DLGAP2: variants seen among roughly 807,000 people sequenced by gnomAD.
The protein encoded by DLGAP2 is DLG associated protein 2, also known as disks large-associated protein 2.
Under a neutral mutation model 100.3 loss-of-function variants are expected in DLGAP2, and 26 were observed. The ratio of observed to expected loss-of-function variants is 0.26; its 90% CI spans 0.19 to 0.36. The LOEUF is 0.36. DLGAP2 is among the 10% of genes least tolerant of loss of function. The pLI, the probability that DLGAP2 is intolerant of heterozygous loss-of-function variation, is 1.00. For missense variants in DLGAP2, 1,858 were observed against 1,453.2 expected, an observed-to-expected ratio of 1.28 and a Z score of -4.53; for synonymous variants, 886 against 630.1, an observed-to-expected ratio of 1.41 and a Z score of -6.08.
chr8:1,491,943 G>C (rs1799402970), intron 3 of DLGAP2, among the ~76,000 whole-genome samples: 1 of 152,246 alleles, frequency 6.6e-6, no homozygotes, highest in Non-Finnish European at 1.5e-5. Context: ...CGGGACGCGA[G>C]GGGGTGACGA....
At chr8:1,671,691 C>T (rs947618293) in intron 10 of DLGAP2, among the ~76,000 whole-genome samples, 3 of 152,236 alleles carry the variant, frequency 2.0e-5, no homozygotes, top group African/African-American at 7.2e-5. Context: ...CCTCCTATGG[C>T]CCCCGTCCTC....
At chr8:1,254,216 C>T (rs7011661) in intron 2 of DLGAP2, among the ~76,000 whole-genome samples, 10,555 of 152,270 alleles carry the variant, frequency 0.069, 1,169 homozygotes, top group African/African-American at 0.23. Context: ...GTGCCTCCCA[C>T]AGGCACCATG....
chr8:1,637,760 C>A (rs1797802471), intron 8 of DLGAP2, among the ~76,000 whole-genome samples: 2 of 152,196 alleles, frequency 1.3e-5, no homozygotes, highest in South Asian at 4.1e-4. Flanking sequence ...TGAGCATTGG[C>A]CCCGAAGGCC....
At chr8:1,046,898 A>G (rs1802531907) in intron 2 of DLGAP2, among the ~76,000 whole-genome samples, 1 of 152,062 alleles carries the variant, frequency 6.6e-6, no homozygotes, top group Non-Finnish European at 1.5e-5. Context: ...GTGCTTGGTA[A>G]ATGCACGCCA....
At chr8:1,236,314 C>T (rs1487346286) in intron 2 of DLGAP2, among the ~76,000 whole-genome samples, 441 of 46,424 alleles carry the variant, frequency 9.5e-3, no homozygotes, top group South Asian at 0.016. Flanking sequence ...TCTCACATGG[C>T]GCCGTGTCTG....
At chr8:1,586,983 G>A (rs1796141311) in intron 6 of DLGAP2, among the ~76,000 whole-genome samples, 1 of 152,030 alleles carries the variant, frequency 6.6e-6, no homozygotes, top group Non-Finnish European at 1.5e-5. Context: ...TTTTCTAATG[G>A]GCTGATTATA....
chr8:1,305,021 G>T (rs1479739131), intron 3 of DLGAP2, among the ~76,000 whole-genome samples: 2 of 152,172 alleles, frequency 1.3e-5, no homozygotes, highest in Non-Finnish European at 2.9e-5. Context: ...ATCATACATG[G>T]TTTCCACCAT....
intron 1 of DLGAP2, among the ~76,000 whole-genome samples, chr8:815,050 A>G (rs1456156133): frequency 6.6e-6 from 1 of 152,180 alleles, no homozygotes; most frequent in Non-Finnish European, 1.5e-5. Context: ...CTGAAAAGCA[A>G]AAAAGTAGAT....
chr8:987,091 C>G (rs771101604), intron 2 of DLGAP2, among the ~76,000 whole-genome samples: 1 of 152,170 alleles, frequency 6.6e-6, no homozygotes, highest in Non-Finnish European at 1.5e-5. Flanking sequence ...AAACTCCCGT[C>G]TTTTTTCCTA....
chr8:810,181 C>G (rs1223486644), intron 1 of DLGAP2, among the ~76,000 whole-genome samples: 1 of 152,236 alleles, frequency 6.6e-6, no homozygotes, highest in Admixed American at 6.5e-5. Context: ...CACAGTGAAT[C>G]TCATGCTGTT....
intron 6 of DLGAP2, among the ~76,000 whole-genome samples, chr8:1,587,696 C>T (rs1796166796): frequency 6.6e-6 from 1 of 152,160 alleles, no homozygotes; most frequent in Non-Finnish European, 1.5e-5. Flanking sequence ...AATATAGCTA[C>T]TATTAATTAT....
chr8:1,327,851 T>A (rs981985545), intron 3 of DLGAP2, among the ~76,000 whole-genome samples: 3 of 151,712 alleles, frequency 2.0e-5, no homozygotes, highest in East Asian at 1.9e-4. Context: ...CTCAAAAAAA[T>A]AAATAAATAA....
At chr8:927,086 C>G in intron 2 of DLGAP2, 2 of 985,308 alleles carry the variant, frequency 2.0e-6, no homozygotes, top group South Asian at 4.7e-5. Context: ...TGGGAGGGCC[C>G]CAGTGGCCGG....
intron 2 of DLGAP2, among the ~76,000 whole-genome samples, chr8:995,416 A>G (rs1160936513): frequency 1.3e-5 from 2 of 152,244 alleles, no homozygotes; most frequent in Non-Finnish European, 2.9e-5. Context: ...AGATGTTTCT[A>G]ATTAACAGTG....
chr8:858,573 G>C (rs75718228), intron 1 of DLGAP2, among the ~76,000 whole-genome samples: 1 of 151,286 alleles, frequency 6.6e-6, no homozygotes, highest in South Asian at 2.1e-4. Flanking sequence ...TGCTGTCACC[G>C]TGGGGACATG....
At chr8:1,293,197 C>T (rs146310014) in intron 3 of DLGAP2, among the ~76,000 whole-genome samples, 13 of 152,282 alleles carry the variant, frequency 8.5e-5, no homozygotes, top group Non-Finnish European at 1.6e-4. Flanking sequence ...ATCTCTTTGT[C>T]TTTTTGTCTC....
At chr8:1,210,773 C>A (rs1436190533) in intron 2 of DLGAP2, among the ~76,000 whole-genome samples, 3 of 151,734 alleles carry the variant, frequency 2.0e-5, no homozygotes, top group Non-Finnish European at 4.4e-5. Context: ...GCACGTGGAT[C>A]CTGGGTCCCT....
chr8:906,012 C>A (rs772139625), intron 1 of DLGAP2, among the ~76,000 whole-genome samples: 2 of 152,218 alleles, frequency 1.3e-5, no homozygotes, highest in Non-Finnish European at 2.9e-5. Flanking sequence ...AATGGGGTTG[C>A]CTGCACTTGC....
chr8:1,228,391 A>C (rs1798466063), intron 2 of DLGAP2, among the ~76,000 whole-genome samples: 1 of 152,222 alleles, frequency 6.6e-6, no homozygotes, highest in Non-Finnish European at 1.5e-5. Flanking sequence ...TTAAAGGATA[A>C]ATTAATAACA....
Sources: gnomAD v4.1 joint callset for allele counts (sites outside exome capture counted in the v4.1 genomes callset) on GRCh38, gnomAD v4.1.1 for gene constraint, MANE v1.5 for transcripts, NCBI Gene and HGNC (gene_info 2026-07-23, HGNC 2026-07-21) for gene names.